Variants in PLEC observed in about 807,000 individuals in gnomAD.
PLEC encodes plectin.
In PLEC, 216 loss-of-function variants were observed where a neutral mutation model predicts 392.8. The ratio of observed to expected loss-of-function variants is 0.55; its 90% CI spans 0.49 to 0.62. The LOEUF (loss-of-function observed/expected upper bound fraction) is 0.62, where lower values mean the gene tolerates loss of function less well. PLEC is among the 20% of genes least tolerant of loss of function. The pLI is 0.00. For synonymous variants in PLEC, 3,621 were observed against 2,980.6 expected, an observed-to-expected ratio of 1.21 and a Z score of -7.00; for missense variants, 6,863 against 6,563.4, an observed-to-expected ratio of 1.05 and a Z score of -1.58.
At position 143,929,737 on chromosome 8, in the gene PLEC, G is replaced by A. The variant is rs145050858; in HGVS notation, c.2832C>T (p.Gly944=). The A allele has an allele frequency of 4.7e-3, 7,466 of 1,599,052 alleles. 535 individuals carry two copies. In the Admixed American group the frequency reaches 0.12, roughly 25 times the overall value. ...TCAGCCGGTCCTCGGGTCCGAAGCC[G>A]CCCGCGTCCTGGCTGTCCCGCAGGA... is the stretch of plus-strand genomic sequence containing the variant. ...QAFLRDSQDA[G]GFGPEDRLMA... The change falls in exon 23 of 32, where the codon GGC becomes GGT. Residue 944 remains glycine (G), a synonymous_variant. Coordinates refer to ENST00000345136, the MANE Select transcript of PLEC (RefSeq NM_201384.3).
Position 143,920,736 on chromosome 8 carries a change from C to T in PLEC, c.9085G>A (p.Val3029Ile), listed in dbSNP as rs781937969. ...ALRGANVIAG[V>I]WLEEAGQKLS... The stretch of plus-strand genomic sequence containing the variant: ...TTCTGCCCCGCCTCCTCCAGCCATA[C>T]ACCCGCGATGACGTTGGCACCCCGG... Residue 3029 changes from valine (V) to isoleucine (I), a missense_variant, in exon 32 of 32, where the codon GTA becomes ATA. Transcript: ENST00000345136. 24 of 1,604,168 alleles carry T rather than the reference C, an allele frequency of 1.5e-5. No homozygotes were observed. Among genetic ancestry groups the T allele is most frequent in the Admixed American group, 1.3e-4 (8 of 60,012 alleles).
Position 143,924,669 on chromosome 8 carries a change from C to T in PLEC, c.5260G>A (p.Glu1754Lys), listed in dbSNP as rs567416889. Residue 1754 changes from glutamate to lysine, a missense_variant, in exon 31 of 32, where the codon GAA becomes AAA. Transcript: ENST00000345136. ...AAATQKRQEL[E>K]AELAKVRAEM... ...GCCCGCACCTTGGCCAGCTCGGCTT[C>T]CAGCTCCTGCCGTTTCTGCGTGGCT... 1.2e-5 allele frequency: 19 copies of T among 1,535,452 alleles called. No homozygotes were observed. The African/African-American group carries it at 2.3e-4, about 19-fold the overall frequency.
chr8:143,975,125 C>CA, upstream of PLEC: 2 of 1,571,734 alleles, frequency 1.3e-6, no homozygotes. The surrounding 1 kb of genome is among the most constrained non-coding windows in gnomAD (Gnocchi z 9.9). Context: ...AGCGGGAACT[C>CA]AGTCAACCTC....
Position 143,920,967 on chromosome 8 carries a change from C to G in PLEC, c.8854G>C (p.Val2952Leu). ...LRQFRTGRIT[V>L]EKIIKIIITV... Reference sequence around the variant, plus strand: ...ATGATGATCTTGATGATCTTCTCCACTGTGATCCGGCCCGTGCGGAACTGC... The same window carrying G: ...ATGATGATCTTGATGATCTTCTCCAGTGTGATCCGGCCCGTGCGGAACTGC... The change falls in exon 32 of 32, where the codon GTG becomes CTG. Residue 2952 changes from valine to leucine, a missense_variant. Transcript: ENST00000345136. 6.2e-7 allele frequency: 1 copy of G among 1,613,204 alleles called. No homozygotes were observed. Among genetic ancestry groups the G allele is most frequent in the Non-Finnish European group, 8.5e-7 (1 of 1,180,036 alleles).
In PLEC at chr8:143,930,037, C is replaced by T. The variant is rs1554712684; in HGVS notation, c.2638G>A (p.Val880Ile). The change falls in exon 22 of 32, where the codon GTC becomes ATC. Residue 880 changes from valine (V) to isoleucine (I), a missense_variant. By Grantham distance (29) the Val-to-Ile change is conservative (BLOSUM62 3). Transcript: ENST00000345136. ...ACGTGCAACTGGTGCCACAGCGTGA[C>T]CAGGGCCTGGTGCTGGGCCTCCAGC... The part of the protein sequence containing the change: ...TRLEAQHQAL[V>I]TLWHQLHVDM... The T allele has an allele frequency of 1.2e-6, 2 of 1,611,900 alleles. No individual in the cohort carries two copies. Among genetic ancestry groups the T allele is most frequent in the Non-Finnish European group, 1.7e-6 (2 of 1,179,790 alleles).
At chr8:143,965,019 G>T (rs981050648) in intron 1 of PLEC, among the ~76,000 whole-genome samples, 5 of 76,864 alleles carry the variant, frequency 6.5e-5, no homozygotes, top group Non-Finnish European at 9.9e-5. Context: ...ACCCTGGTGT[G>T]CCCCTGTGGA....
rs2132066831 is a variant in PLEC, at chr8:143,934,939, G to A, written c.826-10C>T. On this transcript the variant is annotated splice_polypyrimidine_tract_variant and intron_variant, in intron 8 of 31. Coordinates refer to ENST00000345136, the MANE Select transcript of PLEC (RefSeq NM_201384.3). ...AGCGCAGCTGCAGCTCCTGCGGGCA[G>A]GCACGGGCGGCTGTCAGGGGTCGTC... 6.2e-7 allele frequency: 1 copy of A among 1,610,880 alleles called. No homozygotes were observed. The highest frequency in any genetic ancestry group is 1.3e-5 in the African/African-American group (1 of 75,050).
Position 143,923,874 on chromosome 8 carries a change from C to A in PLEC, c.6055G>T (p.Glu2019Ter). ...EEVERLKAKV[E>*]EARRLRERAE... is the part of the protein sequence containing the mutation. ...CGCTCCCGCAGGCGCCGCGCCTCCT[C>A]CACCTTGGCTTTCAGCCGCTCGACT... Residue 2019 changes from glutamate (E) to a stop codon, truncating the protein, a stop_gained, in exon 31 of 32, where the codon GAG becomes TAG. Transcript: ENST00000345136. LOFTEE classifies it high-confidence loss of function. 6.3e-7 allele frequency: 1 copy of A among 1,594,576 alleles called. No homozygotes were observed. Among genetic ancestry groups the A allele is most frequent in the Non-Finnish European group, 8.5e-7 (1 of 1,177,926 alleles).
Position 143,921,157 on chromosome 8 carries a change from A to C in PLEC, c.8664T>G (p.Ala2888=), listed in dbSNP as rs782408239. 6.2e-7 allele frequency: 1 copy of C among 1,613,680 alleles called. No individual in the cohort carries two copies. Among genetic ancestry groups the C allele is most frequent in the Non-Finnish European group, 8.5e-7 (1 of 1,180,014 alleles). Residue 2888 remains alanine, a synonymous_variant, in exon 32 of 32, where the codon GCT becomes GCG. Transcript: ENST00000345136. ...TGTAGACCAGCTCCCCGCCCTTGGC[A>C]GCCTTATCCGTGAGTGGCAGAAGGC... The part of the protein sequence containing the change: ...GLCLLPLTDK[A]AKGGELVYTD...
Position 143,924,808 on chromosome 8 carries a change from C to T in PLEC, c.5121G>A (p.Gln1707=), listed in dbSNP as rs868907014. ...TCAACTCCTGCTCCGCGGCCAGGCGCTGCTGCGCGGTGCCTTCCGCCAGCT... is the reference window on the plus strand; with the variant it reads ...TCAACTCCTGCTCCGCGGCCAGGCGTTGCTGCGCGGTGCCTTCCGCCAGCT... ...QRQLAEGTAQ[Q]RLAAEQELIR... The change falls in exon 31 of 32, where the codon CAG becomes CAA. Residue 1707 remains glutamine, a synonymous_variant. Transcript: ENST00000345136. 5.8e-6 allele frequency: 9 copies of T among 1,539,678 alleles called. No individual in the cohort carries two copies. The highest frequency in any genetic ancestry group is 7.8e-6 in the Non-Finnish European group (9 of 1,149,326).
intron 2 of PLEC, 77 bp downstream of exon 2, chr8:143,938,554 G>A: frequency 6.5e-7 from 1 of 1,548,868 alleles, no homozygotes; most frequent in Middle Eastern, 1.7e-4. Flanking sequence ...GGACAGCCTT[G>A]GGCGGCAGGG....
rs782089750 is a variant in PLEC, at chr8:143,927,123, G to A, written c.3841-42C>T. ...CGGTCAGCCACCAGCTCTGCCCTCC[G>A]ATGGCCCCTGCCCAGCCCCTAAACC... is the stretch of plus-strand genomic sequence containing the variant. On this transcript the variant is annotated intron_variant, in intron 28 of 31. Coordinates refer to ENST00000345136, the MANE Select transcript of PLEC (RefSeq NM_201384.3). 1.3e-5 allele frequency: 20 copies of A among 1,572,504 alleles called. No homozygotes were observed. In the East Asian group the frequency reaches 2.2e-4, roughly 18 times the overall value.
In PLEC at chr8:143,920,856, T is replaced by C; in HGVS notation, c.8965A>G (p.Ser2989Gly). ...SLVPAAELLE[S>G]RVIDRELYQQ... ...TAGAGCTCGCGGTCGATGACCCTGC[T>C]CTCCAGCAGCTCGGCGGCTGGCACC... The change falls in exon 32 of 32, where the codon AGC (serine) becomes GGC (glycine). Residue 2989 changes from serine to glycine, a missense_variant. Physicochemically the swap from Ser to Gly is moderately conservative, Grantham distance 56. Transcript: ENST00000345136. The C allele has an allele frequency of 1.2e-6, 2 of 1,610,036 alleles. No homozygotes were observed. Among genetic ancestry groups the C allele is most frequent in the Non-Finnish European group, 1.7e-6 (2 of 1,179,936 alleles).
rs1833525473 is a variant in PLEC, at chr8:143,973,290, G to A, written c.70+113C>T. The stretch of plus-strand genomic sequence containing the variant: ...GGGGGCGATCCAGGCGGACGAGGCC[G>A]GCGGAGTGGCCGCGCTCGGGCCGGC... On this transcript the variant is annotated intron_variant, in intron 1 of 31. Coordinates refer to the PLEC transcript ENST00000356346. The surrounding 1 kb of genome is among the most constrained non-coding windows in gnomAD (Gnocchi z 5.6). The A allele has an allele frequency of 5.3e-6, 7 of 1,325,002 alleles. No individual in the cohort carries two copies. Among genetic ancestry groups the A allele is most frequent in the South Asian group, 2.6e-5 (2 of 77,840 alleles). The allele number at this position is 1,325,002 out of a possible 1,614,324, so 82.1% of individuals were successfully genotyped here.
upstream of PLEC, among the ~76,000 whole-genome samples, chr8:143,944,450 C>T (rs1373161489): frequency 6.6e-6 from 1 of 152,232 alleles, no homozygotes; most frequent in Non-Finnish European, 1.5e-5. Context: ...TTCAACTTCG[C>T]CCTCCTCACC....
chr8:143,931,578 A>G lies in PLEC; in HGVS notation c.2260T>C (p.Ser754Pro), dbSNP rs1827267307. The change falls in exon 19 of 32, where the codon TCC becomes CCC. Residue 754 changes from serine (S) to proline (P), a missense_variant. By Grantham distance (74) the Ser-to-Pro change is moderately conservative (BLOSUM62 -1). Transcript: ENST00000345136. ...ALRRKYSCDRSATVTRLEDLL... is the reference protein window; with the variant it reads ...ALRRKYSCDRPATVTRLEDLL... ...TCCTCCAGCCGGGTGACGGTGGCGG[A>G]GCGATCACAACTGTATTTCCTACGC... 2.5e-6 allele frequency: 4 copies of G among 1,597,758 alleles called. No homozygotes were observed. In the East Asian group the frequency reaches 9.0e-5, roughly 36 times the overall value.
upstream of PLEC, chr8:143,942,311 G>C: frequency 6.5e-7 from 1 of 1,541,004 alleles, no homozygotes; most frequent in East Asian, 2.3e-5. Context: ...CCCAGGCGGC[G>C]GTTCCCAGCA....
rs558775133 is a variant in PLEC, at chr8:143,923,460, G to A, written c.6469C>T (p.Leu2157=). 9 of 1,607,488 alleles carry A rather than the reference G, an allele frequency of 5.6e-6. No individual in the cohort carries two copies. Among genetic ancestry groups the A allele is most frequent in the East Asian group, 2.2e-5 (1 of 44,852 alleles). ...ARRAQAEQAA[L]RQKQAADAEM... ...GCGTCAGCTGCCTGCTTCTGCCGCAGGGCCGCCTGCTCCGCCTGTGCCCGC... is the reference window on the plus strand; with the variant it reads ...GCGTCAGCTGCCTGCTTCTGCCGCAAGGCCGCCTGCTCCGCCTGTGCCCGC... The change falls in exon 31 of 32, where the codon CTG becomes TTG. Residue 2157 remains leucine (L), a synonymous_variant. Transcript: ENST00000345136.
intron 17 of PLEC, 21 bp from the exon 18 acceptor site, chr8:143,932,053 G>C (rs1554716166): frequency 1.9e-6 from 3 of 1,561,954 alleles, no homozygotes; most frequent in East Asian, 4.7e-5. Flanking sequence ...GCAGGTCCCG[G>C]TCAGGCCCCG....
Sources: allele counts gnomAD v4.1 joint callset (sites outside exome capture counted in the v4.1 genomes callset), GRCh38; gene constraint gnomAD v4.1.1; non-coding constraint Gnocchi (gnomAD v3.1); transcripts MANE v1.5; gene names NCBI Gene and HGNC (gene_info 2026-07-23, HGNC 2026-07-21).